Variants in MGST1 observed in about 807,000 individuals in gnomAD.
MGST1 encodes glutathione S-transferase 12.
MGST1 carries 5 observed loss-of-function variants against 8.9 expected under a neutral mutation model. The observed-to-expected ratio is 0.56, with a 90% CI of 0.29 to 1.19. The LOEUF is 1.19. MGST1 is among the 50% of genes most tolerant of loss of function. The pLI is 0.08. For synonymous variants in MGST1, 54 were observed against 67.8 expected (o/e 0.80, Z 1.00); for missense variants, 182 against 187.4 (o/e 0.97, Z 0.17).
chr12:16,391,859 A>G (rs1384849706), intron 1 of MGST1, among the ~76,000 whole-genome samples: 1 of 152,012 alleles, frequency 6.6e-6, no homozygotes, highest in Non-Finnish European at 1.5e-5. Flanking sequence ...TTGTCTTCCA[A>G]AGTTCTCATA....
chr12:16,380,790 A>G (rs1048536028), downstream of MGST1, among the ~76,000 whole-genome samples: 2 of 152,156 alleles, frequency 1.3e-5, no homozygotes, highest in African/African-American at 4.8e-5. Flanking sequence ...GTCTCTTTGT[A>G]GGTCACTGAT....
intron 4 of MGST1, among the ~76,000 whole-genome samples, chr12:16,531,414 T>C (rs995270441): frequency 6.6e-5 from 10 of 151,876 alleles, no homozygotes; most frequent in Non-Finnish European, 1.5e-4. Context: ...CAAGGGCCCT[T>C]TCCTGTATAG....
chr12:16,523,372 G>A (rs958207335), intron 4 of MGST1, among the ~76,000 whole-genome samples: 21 of 151,918 alleles, frequency 1.4e-4, no homozygotes, highest in African/African-American at 5.1e-4. Flanking sequence ...AAGACAGATT[G>A]TTTTCTAGGT....
chr12:16,509,874 C>T (rs1017292309), intron 4 of MGST1, among the ~76,000 whole-genome samples: 3 of 152,212 alleles, frequency 2.0e-5, no homozygotes, highest in South Asian at 2.1e-4. Flanking sequence ...CAAACCTGGT[C>T]GCAAGGAGAC....
chr12:16,465,817 G>T (rs1941250591), intron 4 of MGST1, among the ~76,000 whole-genome samples: 1 of 152,144 alleles, frequency 6.6e-6, no homozygotes, highest in Non-Finnish European at 1.5e-5. Context: ...CCATGAAAGT[G>T]GTCCCTGGTG....
At chr12:16,444,264 A>G (rs1184634514) in intron 4 of MGST1, among the ~76,000 whole-genome samples, 1 of 143,702 alleles carries the variant, frequency 7.0e-6, no homozygotes, top group Non-Finnish European at 1.5e-5. Context: ...ATTAAGTTAT[A>G]AAGCTCTTTA....
chr12:16,384,882 G>A (rs1289369732), intron 1 of MGST1, among the ~76,000 whole-genome samples: 1 of 152,248 alleles, frequency 6.6e-6, no homozygotes, highest in Non-Finnish European at 1.5e-5. Context: ...GGCAGCTGAT[G>A]GCTGCGAAGC....
Position 16,410,278 on chromosome 12 carries a change from T to TA in MGST1, n.778+26676dup, listed in dbSNP as rs1254137608. Among the ~76,000 whole-genome samples the TA allele has an allele frequency of 1.3e-5, 2 of 152,194 alleles. No individual in the cohort carries two copies. Among genetic ancestry groups the TA allele is most frequent in the Non-Finnish European group, 2.9e-5 (2 of 68,036 alleles). ...TTAAAATCTATCATTTTAATTATTT[T>TA]AATGGAAGGGTTGAATCTACCGTTT... On this transcript the variant is annotated intron_variant and non_coding_transcript_variant, in intron 1 of 1. Transcript: ENST00000359720. The surrounding 1 kb of genome is among the most constrained non-coding windows in gnomAD (Gnocchi z 4.4).
rs573050616 is a variant in MGST1 at position 16,444,473 on chromosome 12, G to A, written n.482+60869G>A. On this transcript the variant is annotated intron_variant and non_coding_transcript_variant, in intron 4 of 4. Transcript: ENST00000538857. Reference sequence around the variant, plus strand: ...TGCATAGACATAAGCACCTCAAAAAGCTTCAGCTATTGGGAAGATTTCTTT... The same window carrying A: ...TGCATAGACATAAGCACCTCAAAAAACTTCAGCTATTGGGAAGATTTCTTT... 3.3e-5 allele frequency among the ~76,000 whole-genome samples: 5 copies of A among 151,766 alleles called. 1 individual carries two copies. Among genetic ancestry groups the A allele is most frequent in the African/African-American group, 1.2e-4 (5 of 41,370 alleles).
Position 16,363,831 on chromosome 12 carries a change from T to G in MGST1, c.258T>G (p.Phe86Leu). The G allele has an allele frequency of 6.2e-7, 1 of 1,610,782 alleles. No individual in the cohort carries two copies. Among genetic ancestry groups the G allele is most frequent in the Non-Finnish European group, 8.5e-7 (1 of 1,177,338 alleles). The change falls in exon 4 of 4, where the codon TTT becomes TTG. Residue 86 changes from phenylalanine (F) to leucine (L), a missense_variant. Phe to Leu is a conservative substitution (Grantham distance 22). Coordinates refer to ENST00000396210, the MANE Select transcript of MGST1 (RefSeq NM_020300.5). This position sits in a 1 kb window ranked among gnomAD's most constrained non-coding sequence, Gnocchi z 4.6. ...HLNDLENIIP[F>L]LGIGLLYSLS... The stretch of plus-strand genomic sequence containing the variant: ...ATGACCTTGAAAATATTATTCCATT[T>G]CTTGGAATTGGCCTCCTGTATTCCT...
chr12:16,518,518 T>A (rs1482473626), intron 4 of MGST1, among the ~76,000 whole-genome samples: 3 of 152,220 alleles, frequency 2.0e-5, no homozygotes, highest in Non-Finnish European at 2.9e-5. Context: ...TTAAAAAAAA[T>A]GTTTTCCTCA....
chr12:16,369,670 G>A lies in MGST1; in HGVS notation c.222-6452G>A, dbSNP rs1040560866. On this transcript the variant is annotated intron_variant, in intron 3 of 3. Transcript: ENST00000535309. The surrounding 1 kb of genome is among the most constrained non-coding windows in gnomAD (Gnocchi z 4.8). ...TGCTTTTGTGTCACAATGGCAGAGTGGCGTAGTTGAATTGTTGCAGTGGAG... is the reference window on the plus strand; with the variant it reads ...TGCTTTTGTGTCACAATGGCAGAGTAGCGTAGTTGAATTGTTGCAGTGGAG... 6.6e-6 allele frequency: 1 copy of A among 152,098 alleles called. No individual in the cohort carries two copies. The highest frequency in any genetic ancestry group is 1.5e-5 in the Non-Finnish European group (1 of 68,010). 9.4% of individuals were successfully genotyped at this position (152,098 alleles called of 1,614,324 possible).
chr12:16,572,686 T>C (rs61145965), intron 4 of MGST1, among the ~76,000 whole-genome samples: 7,852 of 147,714 alleles, frequency 0.053, 680 homozygotes, highest in African/African-American at 0.18. Flanking sequence ...AGATTATATA[T>C]ATAATTTAAA....
chr12:16,505,949 CAT>C (rs1322784036), intron 4 of MGST1, among the ~76,000 whole-genome samples: 1 of 152,142 alleles, frequency 6.6e-6, no homozygotes, highest in Non-Finnish European at 1.5e-5. Flanking sequence ...TATAAAAACA[CAT>C]GTCCAATGTT....
At chr12:16,554,543 TGTC>T (rs1232971918) in intron 4 of MGST1, among the ~76,000 whole-genome samples, 1 of 152,234 alleles carries the variant, frequency 6.6e-6, no homozygotes, top group African/African-American at 2.4e-5. Context: ...ACAGTCCGGT[TGTC>T]ATTATACATC....
intron 4 of MGST1, among the ~76,000 whole-genome samples, chr12:16,580,238 C>G (rs953259840): frequency 6.6e-6 from 1 of 152,162 alleles, no homozygotes; most frequent in African/African-American, 2.4e-5. Flanking sequence ...GTAGCTTAGA[C>G]TACAGGTGCA....
At chr12:16,516,876 G>A (rs889108023) in intron 4 of MGST1, among the ~76,000 whole-genome samples, 1 of 152,138 alleles carries the variant, frequency 6.6e-6, no homozygotes, top group African/African-American at 2.4e-5. Flanking sequence ...TCTAGAGGAA[G>A]GAAGGAAGTC....
chr12:16,493,306 T>A (rs1334410953), intron 4 of MGST1, among the ~76,000 whole-genome samples: 4 of 152,116 alleles, frequency 2.6e-5, no homozygotes, highest in Non-Finnish European at 5.9e-5. Flanking sequence ...TTTTTGTTTG[T>A]TTTTTACGTG....
chr12:16,406,247 A>C (rs1940697156), intron 1 of MGST1, among the ~76,000 whole-genome samples: 1 of 152,136 alleles, frequency 6.6e-6, no homozygotes, highest in Non-Finnish European at 1.5e-5. Context: ...TACAAAAATC[A>C]CTAGCATTCC....
Sources: gnomAD v4.1 joint callset for allele counts (sites outside exome capture counted in the v4.1 genomes callset) on GRCh38, gnomAD v4.1.1 for gene constraint, Gnocchi (gnomAD v3.1) non-coding constraint, MANE v1.5 for transcripts, NCBI Gene and HGNC (gene_info 2026-07-23, HGNC 2026-07-21) for gene names.